The following KCNH7 variants were observed in gnomAD, a reference collection of about 807,000 sequenced individuals.
The protein encoded by KCNH7 is voltage-gated inwardly rectifying potassium channel KCNH7.
A neutral mutation model predicts 120.8 loss-of-function variants in KCNH7; 49 were observed. The observed-to-expected ratio is 0.41, with a 90% CI of 0.32 to 0.51. The LOEUF is 0.51. KCNH7 is among the 20% of genes least tolerant of loss of function. The pLI, the probability that KCNH7 is intolerant of heterozygous loss-of-function variation, is 0.38. For missense variants in KCNH7, 1,097 were observed against 1,446.6 expected, an observed-to-expected ratio of 0.76 and a Z score of 3.92; for synonymous variants, 547 against 516.1, an observed-to-expected ratio of 1.06 and a Z score of -0.81.
At chr2:162,648,546 T>C (rs1158407806) in intron 2 of KCNH7, among the ~76,000 whole-genome samples, 1 of 152,132 alleles carries the variant, frequency 6.6e-6, no homozygotes, top group African/African-American at 2.4e-5. Context: ...CTCTCTACTT[T>C]CTCCATGTGC....
chr2:162,442,424 A>C (rs1688453407), intron 7 of KCNH7, among the ~76,000 whole-genome samples: 1 of 151,884 alleles, frequency 6.6e-6, no homozygotes, highest in Non-Finnish European at 1.5e-5. Context: ...TACAAAGTTG[A>C]TTTTTTTTCT....
intron 6 of KCNH7, among the ~76,000 whole-genome samples, chr2:162,501,511 C>A (rs1690684075): frequency 6.6e-6 from 1 of 151,950 alleles, no homozygotes; most frequent in African/African-American, 2.4e-5. Flanking sequence ...TCATCTTAGT[C>A]CATTTGGGCT....
chr2:162,623,523 C>A (rs1160638831), intron 2 of KCNH7, among the ~76,000 whole-genome samples: 1 of 152,170 alleles, frequency 6.6e-6, no homozygotes, highest in Non-Finnish European at 1.5e-5. Flanking sequence ...ATATCATGGA[C>A]ACACACTGAA....
intron 2 of KCNH7, among the ~76,000 whole-genome samples, chr2:162,565,072 T>C (rs1693206264): frequency 6.6e-6 from 1 of 152,104 alleles, no homozygotes; most frequent in Non-Finnish European, 1.5e-5. Context: ...CTATTAATAT[T>C]TCATACCAAC....
intron 2 of KCNH7, among the ~76,000 whole-genome samples, chr2:162,699,943 G>C (rs1260516854): frequency 4.6e-5 from 7 of 152,068 alleles, no homozygotes; most frequent in Non-Finnish European, 1.0e-4. Flanking sequence ...TAGGAAACGT[G>C]ACCTAGGAAA....
intron 2 of KCNH7, among the ~76,000 whole-genome samples, chr2:162,598,804 A>G (rs1369239747): frequency 6.6e-6 from 1 of 152,186 alleles, no homozygotes; most frequent in Non-Finnish European, 1.5e-5. Flanking sequence ...TTTATGGAAT[A>G]TAAGCATTAT....
chr2:162,769,149 A>C (rs909277584), intron 2 of KCNH7, among the ~76,000 whole-genome samples: 12 of 152,196 alleles, frequency 7.9e-5, no homozygotes, highest in African/African-American at 2.9e-4. Context: ...CAACAAGAAA[A>C]GACCAAGGTA....
chr2:162,661,367 GT>G (rs1218087544), intron 2 of KCNH7, among the ~76,000 whole-genome samples: 1 of 152,044 alleles, frequency 6.6e-6, no homozygotes, highest in Non-Finnish European at 1.5e-5. Context: ...AAGAAAGAAA[GT>G]TTATAAAAGA....
intron 2 of KCNH7, among the ~76,000 whole-genome samples, chr2:162,700,329 G>A (rs960494396): frequency 6.6e-6 from 1 of 152,154 alleles, no homozygotes; most frequent in Non-Finnish European, 1.5e-5. Flanking sequence ...GTGGAACCAC[G>A]AGATGCTATT....
At position 162,462,438 on chromosome 2, in the gene KCNH7, A is replaced by G. The variant is rs369980777; in HGVS notation, c.1129-15995T>C. 4.0e-4 allele frequency among the ~76,000 whole-genome samples: 61 copies of G among 152,058 alleles called. No homozygotes were observed. The South Asian group carries it at 0.012, about 31-fold the overall frequency. On this transcript the variant is annotated intron_variant, in intron 6 of 15. Transcript: ENST00000332142. The stretch of plus-strand genomic sequence containing the variant: ...CACCTACAAGAAGTTAAAAATCCCT[A>G]ACATAAGGCTTGGATTTCTATGGAT...
rs371718519 is a variant in KCNH7 at position 162,678,494 on chromosome 2, A to T, written c.308-141414T>A. On this transcript the variant is annotated intron_variant, in intron 2 of 15. Transcript: ENST00000332142. The stretch of plus-strand genomic sequence containing the variant: ...AAATCTCCTCATGGTGACTCCACAC[A>T]TATTGGACAGAAGGGCCTTGTATAA... Among the ~76,000 whole-genome samples the T allele has an allele frequency of 2.6e-5, 4 of 151,636 alleles. 1 individual carries two copies. The East Asian group carries it at 7.7e-4, about 29-fold the overall frequency.
At chr2:162,779,157 G>A (rs890505320) in intron 2 of KCNH7, among the ~76,000 whole-genome samples, 1 of 151,424 alleles carries the variant, frequency 6.6e-6, no homozygotes, top group Non-Finnish European at 1.5e-5. Context: ...TAAGAAAAAC[G>A]ACAGCATTTA....
At chr2:162,638,830 G>A (rs974327823) in intron 2 of KCNH7, among the ~76,000 whole-genome samples, 2 of 152,092 alleles carry the variant, frequency 1.3e-5, no homozygotes. Flanking sequence ...AGAGAAAGTA[G>A]GTTTAGTCCA....
intron 9 of KCNH7, among the ~76,000 whole-genome samples, chr2:162,406,492 G>T (rs1318351161): frequency 6.6e-6 from 1 of 151,874 alleles, no homozygotes; most frequent in African/African-American, 2.4e-5. Flanking sequence ...GATGACTTTG[G>T]CGGCTGTGAT....
chr2:162,467,379 T>A (rs1433494117), intron 6 of KCNH7, among the ~76,000 whole-genome samples: 6 of 152,336 alleles, frequency 3.9e-5, no homozygotes, highest in East Asian at 1.9e-4. Context: ...ATGGAGTAGA[T>A]CCCTCATGAA....
intron 2 of KCNH7, among the ~76,000 whole-genome samples, chr2:162,819,149 T>A (rs1442220753): frequency 1.3e-5 from 2 of 152,158 alleles, no homozygotes; most frequent in Non-Finnish European, 2.9e-5. Context: ...CCTGAACTGT[T>A]AAAAACAAAT....
At chr2:162,548,085 T>C (rs962983137) in intron 2 of KCNH7, among the ~76,000 whole-genome samples, 10 of 152,214 alleles carry the variant, frequency 6.6e-5, no homozygotes, top group Non-Finnish European at 1.5e-4. Context: ...TAACTTGGGA[T>C]TTTTATTTTT....
intron 2 of KCNH7, among the ~76,000 whole-genome samples, chr2:162,620,080 T>A: frequency 6.6e-6 from 1 of 151,238 alleles, no homozygotes; most frequent in South Asian, 2.1e-4. Flanking sequence ...AATATGTGTA[T>A]ATATATTCTC....
chr2:162,623,839 G>A (rs1256415013), intron 2 of KCNH7, among the ~76,000 whole-genome samples: 1 of 152,180 alleles, frequency 6.6e-6, no homozygotes, highest in Non-Finnish European at 1.5e-5. Context: ...TTTGAGGAGT[G>A]TTTGAGAGGT....
Sources: gnomAD v4.1 joint callset for allele counts (sites outside exome capture counted in the v4.1 genomes callset) on GRCh38, gnomAD v4.1.1 for gene constraint, MANE v1.5 for transcripts, NCBI Gene and HGNC (gene_info 2026-07-23, HGNC 2026-07-21) for gene names.